The following ANKRD13C variants were observed in gnomAD, a reference collection of about 807,000 sequenced individuals.
ANKRD13C encodes the protein ankyrin repeat domain-containing protein 13C.
A neutral mutation model predicts 65.5 loss-of-function variants in ANKRD13C; 16 were observed. The observed-to-expected ratio is 0.24, with a 90% CI of 0.17 to 0.37. ANKRD13C has a LOEUF of 0.37. Among genes scored for constraint, ANKRD13C ranks in the 10% least tolerant of loss-of-function variants. ANKRD13C has a pLI of 1.00. For missense variants in ANKRD13C, 503 were observed against 655.9 expected, an observed-to-expected ratio of 0.77 and a Z score of 2.55; for synonymous variants, 235 against 238.7, an observed-to-expected ratio of 0.98 and a Z score of 0.14.
chr1:70,331,286 C>A (rs1220058257), intron 2 of ANKRD13C, among the ~76,000 whole-genome samples: 1 of 151,730 alleles, frequency 6.6e-6, no homozygotes, highest in Admixed American at 6.6e-5. Context: ...GTAGGCCAGG[C>A]GCAGTGACTC....
intron 5 of ANKRD13C, among the ~76,000 whole-genome samples, chr1:70,312,972 G>C (rs1190413065): frequency 6.6e-6 from 1 of 152,130 alleles, no homozygotes; most frequent in Non-Finnish European, 1.5e-5. Flanking sequence ...CAACCAAACA[G>C]TATGTAAAGA....
At chr1:70,326,545 A>G (rs1681553945) in intron 2 of ANKRD13C, among the ~76,000 whole-genome samples, 1 of 152,188 alleles carries the variant, frequency 6.6e-6, no homozygotes, top group African/African-American at 2.4e-5. Flanking sequence ...TAGTGATAGA[A>G]GAAATAAATA....
Position 70,354,269 on chromosome 1 carries a change from C to A in ANKRD13C, c.140G>T (p.Gly47Val). ...TFTRSRIGKG[G>V]KACHKIFSNH... ...ACTGAAGATCTTATGACAAGCTTTGCCGCCCTTGCCAATCCTGCTTCTGGT... is the reference window on the plus strand; with the variant it reads ...ACTGAAGATCTTATGACAAGCTTTGACGCCCTTGCCAATCCTGCTTCTGGT... Residue 47 changes from glycine to valine, a missense_variant, in exon 1 of 13, where the codon GGC (glycine) becomes GTC (valine). Gly to Val is a moderately radical substitution (Grantham distance 109). Coordinates refer to ENST00000370944, the MANE Select transcript of ANKRD13C (RefSeq NM_030816.5). The A allele has an allele frequency of 6.2e-7, 1 of 1,613,650 alleles. No homozygotes were observed. Among genetic ancestry groups the A allele is most frequent in the Non-Finnish European group, 8.5e-7 (1 of 1,180,018 alleles).
chr1:70,297,785 C>T (rs1450018669), intron 7 of ANKRD13C, among the ~76,000 whole-genome samples: 13 of 150,330 alleles, frequency 8.6e-5, no homozygotes, highest in African/African-American at 2.4e-4. Flanking sequence ...TGGTGGCACG[C>T]GCCTGTAGTC....
intron 12 of ANKRD13C, among the ~76,000 whole-genome samples, chr1:70,264,383 G>A (rs926025800): frequency 6.6e-6 from 1 of 151,144 alleles, no homozygotes; most frequent in African/African-American, 2.4e-5. Flanking sequence ...GGCTGAGGCG[G>A]GAGAATCGCT....
Position 70,274,711 on chromosome 1 carries a change from C to T in ANKRD13C, c.1394+9G>A. The T allele has an allele frequency of 1.4e-5, 22 of 1,590,130 alleles. No individual in the cohort carries two copies. Among genetic ancestry groups the T allele is most frequent in the Non-Finnish European group, 1.8e-5 (21 of 1,158,666 alleles). ...TTTCATAAACATTTGTAGTTAGTAA[C>T]AAACTTACAACTCTATCCCTAAGGG... On this transcript the variant is annotated intron_variant, in intron 11 of 12. Coordinates refer to ENST00000370944, the MANE Select transcript of ANKRD13C (RefSeq NM_030816.5).
intron 9 of ANKRD13C, 69 bp downstream of exon 9, chr1:70,292,319 G>A (rs1572067489): frequency 8.2e-7 from 1 of 1,225,904 alleles, no homozygotes. Context: ...CTTACTGAAT[G>A]CCACCAAGAA....
chr1:70,318,431 C>G (rs1481276176), intron 3 of ANKRD13C, among the ~76,000 whole-genome samples: 2 of 152,078 alleles, frequency 1.3e-5, no homozygotes, highest in Non-Finnish European at 2.9e-5. Context: ...TTTTGCACTC[C>G]TCTTCCTTCT....
intron 9 of ANKRD13C, among the ~76,000 whole-genome samples, chr1:70,283,612 C>T (rs1390548424): frequency 2.6e-5 from 4 of 151,776 alleles, no homozygotes; most frequent in Non-Finnish European, 4.4e-5. Context: ...GTCAGGAGTT[C>T]GAGACCAGCC....
rs1351766031 is a variant in ANKRD13C at position 70,277,468 on chromosome 1, A to C, written c.1216-624T>G. On this transcript the variant is annotated intron_variant, in intron 9 of 12. Coordinates refer to ENST00000370944, the MANE Select transcript of ANKRD13C (RefSeq NM_030816.5). ...GCAGACTCCACCTCAAAAAAAAAAA[A>C]AACAAAACTCTGATTCAAGGAATTT... 2.6e-5 allele frequency among the ~76,000 whole-genome samples: 4 copies of C among 152,078 alleles called. No individual in the cohort carries two copies. The East Asian group carries it at 5.8e-4, about 22-fold the overall frequency.
At chr1:70,333,083 T>C (rs1681880468) in intron 2 of ANKRD13C, among the ~76,000 whole-genome samples, 1 of 152,180 alleles carries the variant, frequency 6.6e-6, no homozygotes, top group Non-Finnish European at 1.5e-5. Context: ...CAATACACCA[T>C]TAAAATAGAT....
chr1:70,344,259 T>C (rs1168596155), intron 1 of ANKRD13C, among the ~76,000 whole-genome samples: 2 of 142,890 alleles, frequency 1.4e-5, no homozygotes, highest in Admixed American at 1.5e-4. Context: ...ATCATGCCAC[T>C]GCACTCAGCC....
At chr1:70,335,570 T>TA (rs1342811036) in intron 2 of ANKRD13C, among the ~76,000 whole-genome samples, 1 of 151,724 alleles carries the variant, frequency 6.6e-6, no homozygotes, top group Non-Finnish European at 1.5e-5. Flanking sequence ...CAAAAGTAGG[T>TA]ATCTTTTAAA....
chr1:70,276,802 T>C lies in ANKRD13C; in HGVS notation c.1258A>G (p.Ile420Val). Residue 420 changes from isoleucine (I) to valine (V), a missense_variant, in exon 10 of 13, where the codon ATT (isoleucine) becomes GTT (valine). Coordinates refer to ENST00000370944, the MANE Select transcript of ANKRD13C (RefSeq NM_030816.5). The part of the protein sequence containing the change: ...QSLTPPPQNT[I>V]TWEEYISAEN... ...GCAGATATATATTCTTCCCATGTAA[T>C]AGTGTTCTGAGGAGGAGGTGTAAGA... 1 of 1,604,064 alleles carries C rather than the reference T, an allele frequency of 6.2e-7. No individual in the cohort carries two copies. Among genetic ancestry groups the C allele is most frequent in the Non-Finnish European group, 8.5e-7 (1 of 1,177,656 alleles).
At chr1:70,275,941 G>A (rs4650036) in intron 10 of ANKRD13C, among the ~76,000 whole-genome samples, 7 of 119,994 alleles carry the variant, frequency 5.8e-5, no homozygotes, top group South Asian at 2.6e-4. Flanking sequence ...CAGCCTGGGC[G>A]ACAGAGCAAG....
At chr1:70,322,440 A>C (rs1681351293) in intron 3 of ANKRD13C, among the ~76,000 whole-genome samples, 1 of 152,200 alleles carries the variant, frequency 6.6e-6, no homozygotes, top group African/African-American at 2.4e-5. Flanking sequence ...GGACAATGGG[A>C]TATTATTTAG....
intron 9 of ANKRD13C, among the ~76,000 whole-genome samples, chr1:70,282,056 T>TA (rs2101180918): frequency 7.1e-6 from 1 of 141,152 alleles, no homozygotes; most frequent in East Asian, 2.0e-4. Flanking sequence ...CATATCATCT[T>TA]TTTTTTTTTT....
chr1:70,354,429 G>C lies in ANKRD13C; in HGVS notation c.-21C>G, dbSNP rs183412622. The C allele has an allele frequency of 6.9e-6, 11 of 1,600,416 alleles. No homozygotes were observed. The highest frequency in any genetic ancestry group is 3.5e-4 in the Middle Eastern group (2 of 5,670). On this transcript the variant is annotated 5_prime_UTR_variant, in exon 1 of 13. Transcript: ENST00000370944. ...GTCATCGCCGCCGCCAGGGGCAAGG[G>C]GGGGAATCGGGAGGCTCACCGCTGG...
chr1:70,316,513 T>A (rs1462352521), intron 3 of ANKRD13C, among the ~76,000 whole-genome samples: 1 of 147,054 alleles, frequency 6.8e-6, no homozygotes, highest in East Asian at 2.0e-4. Flanking sequence ...TAAGACCCCA[T>A]CTCTATTAAA....
Sources: allele counts gnomAD v4.1 joint callset (sites outside exome capture counted in the v4.1 genomes callset), GRCh38; gene constraint gnomAD v4.1.1; transcripts MANE v1.5; gene names NCBI Gene and HGNC (gene_info 2026-07-23, HGNC 2026-07-21).